The following RAG1 variants were observed in gnomAD, a reference collection of about 807,000 sequenced individuals.
RAG1 encodes V(D)J recombination-activating protein 1.
A neutral mutation model predicts 62.7 loss-of-function variants in RAG1; 35 were observed. The observed-to-expected ratio is 0.56, with a 90% CI of 0.43 to 0.74. The LOEUF (loss-of-function observed/expected upper bound fraction) is 0.74, where lower values mean the gene tolerates loss of function less well. Ranked by LOEUF, RAG1 falls within the 30% of genes least tolerant of loss-of-function variation. RAG1 has a pLI of 0.00. For synonymous variants in RAG1, 461 were observed against 470.3 expected (o/e 0.98, Z 0.26); for missense variants, 1,169 against 1,278.6 (o/e 0.91, Z 1.31).
At chr11:36,544,224 C>T (rs1210106152) in intron 3 of RAG1, among the ~76,000 whole-genome samples, 2 of 152,230 alleles carry the variant, frequency 1.3e-5, no homozygotes, top group Admixed American at 6.5e-5. Flanking sequence ...AGGAGGTTGT[C>T]CTGCATCATC....
At chr11:36,524,899 A>G (rs1860136724) in intron 2 of RAG1, among the ~76,000 whole-genome samples, 1 of 152,176 alleles carries the variant, frequency 6.6e-6, no homozygotes, top group Non-Finnish European at 1.5e-5. Context: ...GTCTTTTCAT[A>G]TCATTTGCCC....
rs1275268248 is a variant in RAG1, at chr11:36,579,640, C to A, written c.*3204C>A. On this transcript the variant is annotated 3_prime_UTR_variant, in exon 2 of 2. Coordinates refer to ENST00000299440, the MANE Select transcript of RAG1 (RefSeq NM_000448.3). ...CCTGTGTTTCCATGTCAAATGTTTT[C>A]AAATAAAATGAAATATGAGTTTCAA... 6.0e-6 allele frequency: 1 copy of A among 165,296 alleles called. No individual in the cohort carries two copies. Among genetic ancestry groups the A allele is most frequent in the East Asian group, 1.9e-4 (1 of 5,142 alleles). 10.2% of individuals were successfully genotyped at this position (165,296 alleles called of 1,614,324 possible).
chr11:36,525,371 C>T (rs1860144352), intron 2 of RAG1, among the ~76,000 whole-genome samples: 2 of 152,082 alleles, frequency 1.3e-5, no homozygotes, highest in African/African-American at 4.8e-5. Flanking sequence ...TCCCTAAGCT[C>T]TTTTAGTTCG....
At chr11:36,517,853 T>C (rs543687960) in intron 1 of RAG1, among the ~76,000 whole-genome samples, 22 of 152,272 alleles carry the variant, frequency 1.4e-4, no homozygotes, top group African/African-American at 4.8e-4. Context: ...TTATTATTAT[T>C]ATACTTTAAG....
chr11:36,545,092 T>C (rs983108929), intron 3 of RAG1, among the ~76,000 whole-genome samples: 1 of 151,450 alleles, frequency 6.6e-6, no homozygotes, highest in Non-Finnish European at 1.5e-5. Flanking sequence ...GTGACAACTT[T>C]AGCTGTTCTC....
At chr11:36,564,762 C>A (rs1180629566), upstream of RAG1, among the ~76,000 whole-genome samples, 1 of 152,218 alleles carries the variant, frequency 6.6e-6, no homozygotes, top group Non-Finnish European at 1.5e-5. Flanking sequence ...TGTGGAGACG[C>A]TGTCTCTCCG....
intron 3 of RAG1, among the ~76,000 whole-genome samples, chr11:36,551,347 A>T (rs1850478443): frequency 6.6e-6 from 1 of 152,114 alleles, no homozygotes; most frequent in Admixed American, 6.6e-5. Context: ...ACCATAACAA[A>T]GTATCATAGA....
intron 2 of RAG1, among the ~76,000 whole-genome samples, chr11:36,530,694 T>C (rs536618002): frequency 4.6e-5 from 7 of 152,160 alleles, no homozygotes; most frequent in Non-Finnish European, 8.8e-5. Flanking sequence ...ACGCACTTGA[T>C]ATGCTTTGAT....
At chr11:36,516,491 T>A (rs908283509) in intron 1 of RAG1, among the ~76,000 whole-genome samples, 91 of 152,286 alleles carry the variant, frequency 6.0e-4, no homozygotes, top group African/African-American at 2.1e-3. Flanking sequence ...CTGGAGAATT[T>A]TTTTGTATTT....
chr11:36,576,854 TATG>T lies in RAG1; in HGVS notation c.*421_*423del, dbSNP rs1244605207. The T allele has an allele frequency of 2.5e-5, 5 of 203,786 alleles. No individual in the cohort carries two copies. The highest frequency in any genetic ancestry group is 1.1e-4 in the South Asian group (1 of 8,868). The allele number at this position is 203,786 out of a possible 1,614,324, so 12.6% of individuals were successfully genotyped here. On this transcript the variant is annotated 3_prime_UTR_variant, in exon 2 of 2. Coordinates refer to ENST00000299440, the MANE Select transcript of RAG1 (RefSeq NM_000448.3). The stretch of plus-strand genomic sequence containing the variant: ...TGATTGATTATATTTTGTATTGAGA[TATG>T]ATAAGTGCCTTCTATTTCATTTTTG...
Position 36,573,613 on chromosome 11 carries a change from T to A in RAG1, c.309T>A (p.His103Gln). 6.2e-7 allele frequency: 1 copy of A among 1,614,134 alleles called. No individual in the cohort carries two copies. The highest frequency in any genetic ancestry group is 8.5e-7 in the Non-Finnish European group (1 of 1,180,028). ...DNEKARGKAIHQANLRHLCRI... is the reference protein window; with the variant it reads ...DNEKARGKAIQQANLRHLCRI... The stretch of plus-strand genomic sequence containing the variant: ...AGAAAGCAAGAGGCAAAGCGATCCA[T>A]CAAGCCAACCTTCGACATCTCTGCC... Residue 103 changes from histidine (H) to glutamine (Q), a missense_variant, in exon 2 of 2, where the codon CAT (histidine) becomes CAA (glutamine). By Grantham distance (24) the His-to-Gln change is conservative. Around this residue, in one of 2 missense-constraint regions of RAG1, gnomAD observed 369 missense variants for 335.3 expected, o/e 1.10. Transcript: ENST00000299440.
At chr11:36,548,716 C>A (rs1850435781) in intron 3 of RAG1, among the ~76,000 whole-genome samples, 1 of 152,146 alleles carries the variant, frequency 6.6e-6, no homozygotes, top group African/African-American at 2.4e-5. Flanking sequence ...TTTATAGATT[C>A]AATGCTATCC....
At chr11:36,564,839 G>A (rs529884699), upstream of RAG1, among the ~76,000 whole-genome samples, 2 of 152,192 alleles carry the variant, frequency 1.3e-5, no homozygotes, top group Non-Finnish European at 2.9e-5. Context: ...ACCTGTTAAG[G>A]TTCTGCTCCA....
chr11:36,533,824 A>G (rs1040195141), intron 2 of RAG1, among the ~76,000 whole-genome samples: 16 of 152,104 alleles, frequency 1.1e-4, no homozygotes, highest in African/African-American at 3.9e-4. Context: ...AGGTGATCGT[A>G]TGTATGATAT....
intron 3 of RAG1, among the ~76,000 whole-genome samples, chr11:36,560,529 G>T (rs557839842): frequency 6.6e-6 from 1 of 152,290 alleles, no homozygotes; most frequent in Non-Finnish European, 1.5e-5. Flanking sequence ...TTCCAGAACA[G>T]AATTCACTTT....
intron 3 of RAG1, among the ~76,000 whole-genome samples, chr11:36,558,165 T>C (rs1248267154): frequency 6.6e-6 from 1 of 152,124 alleles, no homozygotes; most frequent in Non-Finnish European, 1.5e-5. Context: ...TTTAAAAAAT[T>C]TGTTGAGACT....
intron 2 of RAG1, among the ~76,000 whole-genome samples, chr11:36,527,464 C>T (rs184783547): frequency 6.0e-4 from 91 of 152,268 alleles, no homozygotes; most frequent in African/African-American, 2.1e-3. Context: ...GGTACCACTA[C>T]CATGCTGTTT....
At chr11:36,549,738 A>G (rs1336897054) in intron 3 of RAG1, among the ~76,000 whole-genome samples, 1 of 152,170 alleles carries the variant, frequency 6.6e-6, no homozygotes, top group African/African-American at 2.4e-5. Context: ...CAGAAATACC[A>G]TTTGACCCAG....
Position 36,574,230 on chromosome 11 carries a change from AGCATGTCTTTT to A in RAG1, c.929_939del (p.His310ProfsTer26). The A allele has an allele frequency of 6.2e-7, 1 of 1,614,132 alleles. No homozygotes were observed. Among genetic ancestry groups the A allele is most frequent in the Non-Finnish European group, 8.5e-7 (1 of 1,180,020 alleles). On this transcript the variant is annotated frameshift_variant, in exon 2 of 2. Transcript: ENST00000299440. LOFTEE classifies it high-confidence loss of function. ...GCTGACCCTGTGGAGACCAACTGTA[AGCATGTCTTTT>A]GCCGGGTCTGCATTCTCAGATGCCT...
Sources: allele counts gnomAD v4.1 joint callset (sites outside exome capture counted in the v4.1 genomes callset), GRCh38; gene constraint gnomAD v4.1.1; regional missense constraint gnomAD v4.1.1; transcripts MANE v1.5; gene names NCBI Gene and HGNC (gene_info 2026-07-23, HGNC 2026-07-21).